Variants in CDH13 observed in about 807,000 individuals in gnomAD.
CDH13 encodes the protein cadherin 13.
In CDH13, 24 loss-of-function variants were observed where a neutral mutation model predicts 63.8. The ratio of observed to expected loss-of-function variants is 0.38; its 90% CI spans 0.27 to 0.53. The LOEUF (loss-of-function observed/expected upper bound fraction) is 0.53, where lower values mean the gene tolerates loss of function less well. Among genes scored for constraint, CDH13 ranks in the 20% least tolerant of loss-of-function variants. The probability of loss-of-function intolerance (pLI) is 0.85; values close to 1 mark genes in which losing one functional copy is unlikely to be tolerated. For synonymous variants in CDH13, 503 were observed against 355.3 expected, an observed-to-expected ratio of 1.42 and a Z score of -4.67; for missense variants, 1,049 against 903.1, an observed-to-expected ratio of 1.16 and a Z score of -2.07.
At chr16:82,981,773 C>G (rs1597351611) in intron 2 of CDH13, among the ~76,000 whole-genome samples, 1 of 152,302 alleles carries the variant, frequency 6.6e-6, no homozygotes. Context: ...AACATTGTGC[C>G]TTCCTTTTTG....
At chr16:83,508,864 A>C (rs142328478) in intron 7 of CDH13, among the ~76,000 whole-genome samples, 21 of 152,332 alleles carry the variant, frequency 1.4e-4, no homozygotes, top group African/African-American at 5.1e-4. Context: ...TGTAACAGGC[A>C]CAAGGTACCG....
chr16:83,091,129 T>C (rs1223836675), intron 3 of CDH13, among the ~76,000 whole-genome samples: 1 of 152,198 alleles, frequency 6.6e-6, no homozygotes, highest in Non-Finnish European at 1.5e-5. Context: ...CATAAAACAT[T>C]TCTCCCCTGG....
intron 8 of CDH13, among the ~76,000 whole-genome samples, chr16:83,659,762 G>C (rs1239673295): frequency 6.6e-6 from 1 of 150,784 alleles, no homozygotes; most frequent in Non-Finnish European, 1.5e-5. Context: ...AGGTACCCAT[G>C]AGTTAGAGCA....
Position 83,798,890 on chromosome 16 carries a change from G to T in CDH13, c.*3860G>T, listed in dbSNP as rs1028293884. 1 of 151,518 alleles carries T rather than the reference G, an allele frequency of 6.6e-6. No individual in the cohort carries two copies. The highest frequency in any genetic ancestry group is 1.5e-5 in the Non-Finnish European group (1 of 67,954). The allele number at this position is 151,518 out of a possible 1,614,324, so 9.4% of individuals were successfully genotyped here. ...TGTTAAAAAAAAAAATGTTAACATCGTTCTAAATTAATATTGAGACCTTAG... is the reference window on the plus strand; with the variant it reads ...TGTTAAAAAAAAAAATGTTAACATCTTTCTAAATTAATATTGAGACCTTAG... On this transcript the variant is annotated 3_prime_UTR_variant, in exon 14 of 14. Transcript: ENST00000567109.
intron 1 of CDH13, among the ~76,000 whole-genome samples, chr16:82,742,540 C>T (rs2033979687): frequency 6.6e-6 from 1 of 151,982 alleles, no homozygotes; most frequent in Admixed American, 6.6e-5. Flanking sequence ...GATTGGGTTC[C>T]ATTTCTCTTT....
intron 4 of CDH13, among the ~76,000 whole-genome samples, chr16:83,139,121 C>G (rs1157263004): frequency 6.6e-6 from 1 of 152,162 alleles, no homozygotes; most frequent in African/African-American, 2.4e-5. Flanking sequence ...TAAAAGAGAA[C>G]TCTTCCCAGA....
chr16:83,662,464 C>G (rs997222788), intron 8 of CDH13, among the ~76,000 whole-genome samples: 3 of 152,152 alleles, frequency 2.0e-5, no homozygotes, highest in African/African-American at 7.2e-5. Flanking sequence ...TAAAAAGAAT[C>G]TCTGTGTTTT....
At chr16:83,528,698 G>C (rs754330925) in intron 7 of CDH13, among the ~76,000 whole-genome samples, 5 of 152,152 alleles carry the variant, frequency 3.3e-5, no homozygotes, top group Non-Finnish European at 7.3e-5. Context: ...ACAGTGCTGA[G>C]ATGTAACGAA....
chr16:83,237,845 A>C (rs185246263), intron 5 of CDH13, among the ~76,000 whole-genome samples: 5 of 152,328 alleles, frequency 3.3e-5, no homozygotes, highest in Non-Finnish European at 4.4e-5. Flanking sequence ...CAAATAATAA[A>C]TACTTGATAA....
intron 7 of CDH13, among the ~76,000 whole-genome samples, chr16:83,525,223 C>T (rs2074934095): frequency 6.6e-6 from 1 of 152,184 alleles, no homozygotes; most frequent in African/African-American, 2.4e-5. Context: ...ATTGACCAGG[C>T]ACCTGAAGTC....
intron 6 of CDH13, among the ~76,000 whole-genome samples, chr16:83,426,897 A>ATTT (rs2071921322): frequency 1.1e-5 from 1 of 92,044 alleles, no homozygotes; most frequent in Non-Finnish European, 2.2e-5. Context: ...ATCTATAAAT[A>ATTT]TGTTTCTTTC....
intron 5 of CDH13, among the ~76,000 whole-genome samples, chr16:83,339,349 A>C (rs1050220555): frequency 6.6e-6 from 1 of 152,190 alleles, no homozygotes; most frequent in Non-Finnish European, 1.5e-5. Flanking sequence ...CCTTGCCTCC[A>C]ATGATGTCAA....
chr16:83,119,142 C>T (rs375789537), intron 3 of CDH13, among the ~76,000 whole-genome samples: 2 of 152,208 alleles, frequency 1.3e-5, no homozygotes, highest in East Asian at 1.9e-4. Flanking sequence ...CCTTGTGTAA[C>T]GTGGCTGTGC....
Position 83,266,870 on chromosome 16 carries a change from G to A in CDH13, c.636+49373G>A, listed in dbSNP as rs139365667. Among the ~76,000 whole-genome samples, 1,317 of 152,150 alleles carry A rather than the reference G, an allele frequency of 8.7e-3. 14 individuals are homozygous for A. The highest frequency in any genetic ancestry group is 0.03 in the African/African-American group (1,236 of 41,478). On this transcript the variant is annotated intron_variant, in intron 5 of 13. Coordinates refer to ENST00000567109, the MANE Select transcript of CDH13 (RefSeq NM_001257.5). ...CACTCACCATTCCTGGTCTCAAGTC[G>A]GGATGTCTTGTCCTAACTATCAATG...
chr16:82,810,643 GC>G (rs1308285080), intron 1 of CDH13, among the ~76,000 whole-genome samples: 1 of 152,120 alleles, frequency 6.6e-6, no homozygotes, highest in Non-Finnish European at 1.5e-5. Flanking sequence ...ATGATTCTCA[GC>G]CCCCATGGCT....
intron 2 of CDH13, among the ~76,000 whole-genome samples, chr16:82,908,228 C>G (rs532175963): frequency 2.2e-4 from 34 of 152,196 alleles, no homozygotes; most frequent in Admixed American, 4.6e-4. Flanking sequence ...CCCATGAATA[C>G]AAAAGGTGAT....
chr16:83,534,227 A>G (rs534346869), intron 7 of CDH13, among the ~76,000 whole-genome samples: 3 of 152,202 alleles, frequency 2.0e-5, no homozygotes, highest in Admixed American at 6.5e-5. Flanking sequence ...AGAGGAGCGC[A>G]TTAGGAAGGT....
chr16:83,673,258 T>C (rs1035408631), intron 9 of CDH13, among the ~76,000 whole-genome samples: 1 of 152,210 alleles, frequency 6.6e-6, no homozygotes, highest in South Asian at 2.1e-4. Context: ...ACGTAGTACA[T>C]ACATTCGTTC....
intron 11 of CDH13, among the ~76,000 whole-genome samples, chr16:83,776,431 A>C (rs955530103): frequency 6.6e-6 from 1 of 152,250 alleles, no homozygotes; most frequent in African/African-American, 2.4e-5. Flanking sequence ...TTTGCGCTCT[A>C]ACGAAAGTTG....
Sources: gnomAD v4.1 joint callset for allele counts (sites outside exome capture counted in the v4.1 genomes callset) on GRCh38, gnomAD v4.1.1 for gene constraint, MANE v1.5 for transcripts, NCBI Gene and HGNC (gene_info 2026-07-23, HGNC 2026-07-21) for gene names.